Variants in COL11A1 observed in about 807,000 individuals in gnomAD.
The protein encoded by COL11A1 is collagen alpha-1(XI) chain.
Under a neutral mutation model 265.2 loss-of-function variants are expected in COL11A1, and 74 were observed. The observed-to-expected ratio is 0.28, with a 90% CI of 0.23 to 0.34. The LOEUF is 0.34. COL11A1 is among the 10% of genes least tolerant of loss of function. COL11A1 has a pLI of 1.00. For missense variants in COL11A1, 2,165 were observed against 2,263.6 expected (o/e 0.96, Z 0.88); for synonymous variants, 816 against 727.6 (o/e 1.12, Z -1.96).
At chr1:103,094,273 G>T (rs1369072673) in intron 1 of COL11A1, among the ~76,000 whole-genome samples, 4 of 152,084 alleles carry the variant, frequency 2.6e-5, no homozygotes, top group Non-Finnish European at 5.9e-5. Flanking sequence ...TCAGAAGATG[G>T]GGAAGAAGAA....
chr1:103,066,877 A>G (rs1393769257), intron 4 of COL11A1, among the ~76,000 whole-genome samples: 1 of 151,998 alleles, frequency 6.6e-6, no homozygotes, highest in Non-Finnish European at 1.5e-5. Flanking sequence ...GGTTAACAAG[A>G]AAAGGAGTGG....
At chr1:102,922,766 A>ATT (rs1461346363) in intron 47 of COL11A1, among the ~76,000 whole-genome samples, 1 of 152,192 alleles carries the variant, frequency 6.6e-6, no homozygotes, top group Non-Finnish European at 1.5e-5. Flanking sequence ...TTCAAAGAAT[A>ATT]TAATAGATTT....
rs372322124 is a variant in COL11A1, at chr1:103,017,826, G to T, written c.1407C>A (p.Gly469=). ...QGPTGPPGDP[G]DRGPPGRPGL... ...ATCATGTCCATTCACTTACCCTATC[G>T]CCAGGGTCACCAGGGGGTCCAGTGG... Residue 469 remains glycine, a synonymous_variant, in exon 11 of 67, where the codon GGC becomes GGA. Coordinates refer to ENST00000370096, the MANE Select transcript of COL11A1 (RefSeq NM_001854.4). 1 of 1,612,470 alleles carries T rather than the reference G, an allele frequency of 6.2e-7. No individual in the cohort carries two copies. Among genetic ancestry groups the T allele is most frequent in the Admixed American group, 1.7e-5 (1 of 59,972 alleles).
intron 57 of COL11A1, among the ~76,000 whole-genome samples, chr1:102,892,583 T>C (rs778859106): frequency 5.3e-5 from 8 of 152,194 alleles, no homozygotes; most frequent in Non-Finnish European, 8.8e-5. Flanking sequence ...TCCTATCTCA[T>C]AGAGCTGCTG....
intron 57 of COL11A1, among the ~76,000 whole-genome samples, chr1:102,895,075 G>A (rs1406008720): frequency 2.0e-5 from 3 of 152,132 alleles, no homozygotes; most frequent in Non-Finnish European, 4.4e-5. Flanking sequence ...TTATAAACAA[G>A]TTTTTTACCA....
rs144003725 is a variant in COL11A1, at chr1:103,087,881, T to C, written c.107-4909A>G. Among the ~76,000 whole-genome samples the C allele has an allele frequency of 2.5e-3, 377 of 152,332 alleles. 1 individual carries two copies. Among genetic ancestry groups the C allele is most frequent in the Non-Finnish European group, 4.3e-3 (290 of 68,036 alleles). On this transcript the variant is annotated intron_variant, in intron 1 of 66. Transcript: ENST00000370096. ...TACACACACAAACACACAGAGATTA[T>C]GAAAATGTTGGTTGAATGTGAAACA... is the stretch of plus-strand genomic sequence containing the variant.
chr1:103,075,300 C>A (rs1228351984), intron 3 of COL11A1, among the ~76,000 whole-genome samples: 1 of 152,160 alleles, frequency 6.6e-6, no homozygotes, highest in African/African-American at 2.4e-5. Flanking sequence ...CAATGTGCTT[C>A]TCTGTCTTTA....
chr1:102,951,365 G>A (rs1319652251), intron 41 of COL11A1, among the ~76,000 whole-genome samples: 1 of 152,146 alleles, frequency 6.6e-6, no homozygotes, highest in African/African-American at 2.4e-5. Flanking sequence ...ATGCATTTGT[G>A]TTTTTATTAT....
chr1:102,883,171 T>C, intron 64 of COL11A1, 28 bp downstream of exon 64: 1 of 1,448,846 alleles, frequency 6.9e-7, no homozygotes, highest in South Asian at 1.1e-5. Flanking sequence ...ACTGTCAACA[T>C]TCACCACCAA....
intron 4 of COL11A1, among the ~76,000 whole-genome samples, chr1:103,071,459 T>C (rs1671580130): frequency 6.8e-6 from 1 of 147,078 alleles, no homozygotes; most frequent in Non-Finnish European, 1.5e-5. Context: ...TGATTTGTGT[T>C]GGTAGGACTT....
At chr1:103,012,005 C>T (rs1666171256) in intron 14 of COL11A1, among the ~76,000 whole-genome samples, 1 of 152,014 alleles carries the variant, frequency 6.6e-6, no homozygotes, top group East Asian at 1.9e-4. Flanking sequence ...TCTTGCTTGC[C>T]CTAAGATTGT....
At position 102,883,148 on chromosome 1, in the gene COL11A1, A is replaced by G. The variant is rs776445554; in HGVS notation, c.4971+51T>C. The G allele has an allele frequency of 4.9e-6, 6 of 1,231,076 alleles. No individual in the cohort carries two copies. In the Admixed American group the frequency reaches 1.0e-4, roughly 21 times the overall value. The allele number at this position is 1,231,076 out of a possible 1,614,324, so 76.3% of individuals were successfully genotyped here. On this transcript the variant is annotated intron_variant, in intron 64 of 66. Transcript: ENST00000370096. ...TTTTCCTGTTTAGTTCAATATTGCA[A>G]AACATGGCAGGAACTGTCAACATTC...
intron 36 of COL11A1, among the ~76,000 whole-genome samples, chr1:102,973,830 A>T (rs1341010947): frequency 1.3e-5 from 2 of 152,222 alleles, no homozygotes; most frequent in Non-Finnish European, 2.9e-5. Flanking sequence ...GGGTCTAAAA[A>T]TTATTGTAAA....
intron 3 of COL11A1, among the ~76,000 whole-genome samples, chr1:103,078,339 T>C (rs1672136829): frequency 6.6e-6 from 1 of 152,064 alleles, no homozygotes; most frequent in South Asian, 2.1e-4. Flanking sequence ...TCTTTACATA[T>C]CACTTTCTTA....
intron 42 of COL11A1, among the ~76,000 whole-genome samples, chr1:102,942,407 C>A (rs2101338839): frequency 6.6e-6 from 1 of 152,230 alleles, no homozygotes; most frequent in East Asian, 1.9e-4. Flanking sequence ...AACAGATCTA[C>A]AGCACTCTAA....
chr1:102,951,423 A>T (rs879596169), intron 41 of COL11A1, among the ~76,000 whole-genome samples: 5 of 152,258 alleles, frequency 3.3e-5, no homozygotes, highest in East Asian at 3.9e-4. Flanking sequence ...TCACGCCGGG[A>T]GTGGTGGCTC....
chr1:102,947,606 T>A (rs991741864), intron 41 of COL11A1, among the ~76,000 whole-genome samples: 25 of 152,102 alleles, frequency 1.6e-4, no homozygotes, highest in African/African-American at 2.2e-4. Context: ...TTAGGTTTTT[T>A]AATTTTTTTT....
At chr1:103,049,541 G>C (rs1669610005) in intron 4 of COL11A1, among the ~76,000 whole-genome samples, 1 of 152,112 alleles carries the variant, frequency 6.6e-6, no homozygotes, top group Admixed American at 6.5e-5. Flanking sequence ...GATGGGTCTT[G>C]ACTCTTTATC....
At chr1:103,060,842 G>A (rs1670621450) in intron 4 of COL11A1, among the ~76,000 whole-genome samples, 1 of 151,942 alleles carries the variant, frequency 6.6e-6, no homozygotes, top group Non-Finnish European at 1.5e-5. Context: ...GTACTGGAAG[G>A]ATCACCTGAG....
Sources: gnomAD v4.1 joint callset for allele counts (sites outside exome capture counted in the v4.1 genomes callset) on GRCh38, gnomAD v4.1.1 for gene constraint, MANE v1.5 for transcripts, NCBI Gene and HGNC (gene_info 2026-07-23, HGNC 2026-07-21) for gene names.